Variants in NPAS3 observed in about 807,000 individuals in gnomAD.
The protein encoded by NPAS3 is neuronal PAS domain protein 3, also known as neuronal PAS domain-containing protein 3.
A neutral mutation model predicts 73.1 loss-of-function variants in NPAS3; 14 were observed. That is an observed-to-expected ratio of 0.19 (90% CI 0.13 to 0.30). NPAS3 has a LOEUF of 0.30. Among genes scored for constraint, NPAS3 ranks in the 10% least tolerant of loss-of-function variants. NPAS3 has a pLI of 1.00. For synonymous variants in NPAS3, 620 were observed against 541.5 expected (o/e 1.14, Z -2.01); for missense variants, 1,096 against 1,250.0 (o/e 0.88, Z 1.86).
chr14:33,536,240 TATG>T (rs1238346538), intron 4 of NPAS3, among the ~76,000 whole-genome samples: 1 of 152,248 alleles, frequency 6.6e-6, no homozygotes, highest in African/African-American at 2.4e-5. Flanking sequence ...CTGTTGAGGT[TATG>T]ATATGAAATT....
intron 2 of NPAS3, chr14:33,214,130 T>A (rs1354657680): frequency 1.3e-5 from 2 of 152,184 alleles, no homozygotes; most frequent in Non-Finnish European, 2.9e-5. Flanking sequence ...TACATAAAAA[T>A]GATTTTAATA....
At chr14:33,434,187 C>A (rs528602953) in intron 4 of NPAS3, among the ~76,000 whole-genome samples, 1 of 151,712 alleles carries the variant, frequency 6.6e-6, no homozygotes, top group South Asian at 2.1e-4. Flanking sequence ...AGCAAAACTC[C>A]GTCTCTAAAT....
chr14:33,133,280 A>G (rs1350197371), intron 2 of NPAS3, among the ~76,000 whole-genome samples: 1 of 152,178 alleles, frequency 6.6e-6, no homozygotes. Context: ...AAAACACAAG[A>G]GGGGCTTTAT....
intron 8 of NPAS3, among the ~76,000 whole-genome samples, chr14:33,777,531 T>A (rs1207269441): frequency 1.3e-5 from 2 of 151,388 alleles, no homozygotes; most frequent in African/African-American, 4.9e-5. Context: ...ATTTACTTCA[T>A]ATTTCAATAG....
intron 1 of NPAS3, among the ~76,000 whole-genome samples, chr14:33,005,223 A>G (rs1201648714): frequency 6.6e-6 from 1 of 152,192 alleles, no homozygotes; most frequent in Non-Finnish European, 1.5e-5. Flanking sequence ...AGCTTGCTTT[A>G]CACCATCATC....
intron 2 of NPAS3, among the ~76,000 whole-genome samples, chr14:33,170,139 T>C (rs2045334854): frequency 6.6e-6 from 1 of 152,146 alleles, no homozygotes; most frequent in Non-Finnish European, 1.5e-5. Flanking sequence ...AGGCATACCT[T>C]AGAGATAATG....
At chr14:33,369,216 A>G (rs1025266554) in intron 4 of NPAS3, among the ~76,000 whole-genome samples, 2 of 152,044 alleles carry the variant, frequency 1.3e-5, no homozygotes, top group South Asian at 2.1e-4. Context: ...ACACCACACT[A>G]TGGTTGCATC....
chr14:33,801,420 C>A (rs367808173), downstream of NPAS3: 1 of 385,630 alleles, frequency 2.6e-6, no homozygotes, highest in East Asian at 6.3e-5. Context: ...TATGCCTCTG[C>A]CATAGAATAC....
chr14:33,213,207 T>C (rs1354665964), intron 2 of NPAS3, among the ~76,000 whole-genome samples: 3 of 149,056 alleles, frequency 2.0e-5, no homozygotes, highest in African/African-American at 7.5e-5. Context: ...TAACCCCTGC[T>C]CTAGAGCCCC....
At chr14:33,345,280 A>C (rs537301581) in intron 3 of NPAS3, among the ~76,000 whole-genome samples, 2 of 152,368 alleles carry the variant, frequency 1.3e-5, no homozygotes, top group African/African-American at 4.8e-5. Flanking sequence ...AAAAGATATG[A>C]ACCGAATGTG....
At chr14:33,362,643 C>A (rs1303736251) in intron 3 of NPAS3, among the ~76,000 whole-genome samples, 1 of 152,062 alleles carries the variant, frequency 6.6e-6, no homozygotes, top group East Asian at 1.9e-4. Context: ...AGATCCTTGC[C>A]CCCTTAGATG....
intron 4 of NPAS3, among the ~76,000 whole-genome samples, chr14:33,557,740 C>T (rs1293292805): frequency 3.3e-5 from 5 of 152,148 alleles, no homozygotes; most frequent in South Asian, 2.1e-4. Context: ...GAGGCCGAGG[C>T]GGGCAGATCA....
intron 5 of NPAS3, among the ~76,000 whole-genome samples, chr14:33,563,927 G>A (rs902918447): frequency 6.6e-6 from 1 of 152,130 alleles, no homozygotes; most frequent in Non-Finnish European, 1.5e-5. Flanking sequence ...GGGCTTAATC[G>A]CCAAAGAATC....
In NPAS3 at chr14:33,419,310, G is replaced by A. The variant is rs192616154; in HGVS notation, c.468+52042G>A. Among the ~76,000 whole-genome samples the A allele has an allele frequency of 5.1e-4, 77 of 151,842 alleles. 1 individual carries two copies. The highest frequency in any genetic ancestry group is 1.8e-3 in the African/African-American group (74 of 41,458). On this transcript the variant is annotated intron_variant, in intron 4 of 11. Transcript: ENST00000356141. The stretch of plus-strand genomic sequence containing the variant: ...GAAAGAATAATAAAGATGTTATTTA[G>A]TTGCAATATATTAGTATAACATCAA...
intron 2 of NPAS3, among the ~76,000 whole-genome samples, chr14:33,162,328 C>T (rs1400963690): frequency 6.6e-6 from 1 of 151,470 alleles, no homozygotes; most frequent in East Asian, 1.9e-4. Context: ...TTTTTTTCTC[C>T]CTATGGTATT....
chr14:33,105,355 T>C (rs1198817684), intron 2 of NPAS3, among the ~76,000 whole-genome samples: 1 of 152,128 alleles, frequency 6.6e-6, no homozygotes, highest in African/African-American at 2.4e-5. Context: ...GTAAGATAAA[T>C]GTGGTAAGAA....
chr14:33,143,878 T>C (rs1305553459), intron 2 of NPAS3, among the ~76,000 whole-genome samples: 1 of 152,216 alleles, frequency 6.6e-6, no homozygotes, highest in Non-Finnish European at 1.5e-5. Context: ...TTCATCCATA[T>C]TGTAGCATGA....
chr14:33,349,282 A>ATTC (rs2044905944), intron 3 of NPAS3, among the ~76,000 whole-genome samples: 2 of 152,360 alleles, frequency 1.3e-5, no homozygotes, highest in African/African-American at 4.8e-5. Context: ...TTCGTCCAGA[A>ATTC]ATGGAAATAG....
At chr14:33,753,343 A>G (rs1170588528) in intron 7 of NPAS3, among the ~76,000 whole-genome samples, 3 of 141,848 alleles carry the variant, frequency 2.1e-5, no homozygotes, top group Admixed American at 1.4e-4. Context: ...GCTTAAGATG[A>G]TTCTGTTAAA....
Sources: allele counts gnomAD v4.1 joint callset (sites outside exome capture counted in the v4.1 genomes callset), GRCh38; gene constraint gnomAD v4.1.1; transcripts MANE v1.5; gene names NCBI Gene and HGNC (gene_info 2026-07-23, HGNC 2026-07-21).